CCDC91: variants seen among roughly 807,000 people sequenced by gnomAD.
CCDC91 encodes the protein coiled-coil domain containing 91, also known as coiled-coil domain-containing protein 91.
Under a neutral mutation model 63.2 loss-of-function variants are expected in CCDC91, and 48 were observed. The observed-to-expected ratio is 0.76, with a 90% CI of 0.60 to 0.97. The LOEUF (loss-of-function observed/expected upper bound fraction) is 0.97. Ranked by LOEUF, CCDC91 falls within the 50% of genes least tolerant of loss-of-function variation. CCDC91 has a pLI of 0.00. For missense variants in CCDC91, 500 were observed against 494.6 expected, an observed-to-expected ratio of 1.01 and a Z score of -0.10; for synonymous variants, 167 against 165.8, an observed-to-expected ratio of 1.01 and a Z score of -0.06.
chr12:28,399,294 T>C (rs765271552), intron 8 of CCDC91, among the ~76,000 whole-genome samples: 14 of 152,142 alleles, frequency 9.2e-5, no homozygotes, highest in African/African-American at 3.4e-4. Context: ...AAAAGCCCCT[T>C]TAAAACCATC....
At chr12:28,501,369 G>C (rs1306854809) in intron 12 of CCDC91, among the ~76,000 whole-genome samples, 1 of 151,922 alleles carries the variant, frequency 6.6e-6, no homozygotes, top group African/African-American at 2.4e-5. Flanking sequence ...TTATTATTTT[G>C]AGATACGTCC....
At chr12:28,195,040 G>A (rs1419314204) in intron 1 of CCDC91, among the ~76,000 whole-genome samples, 2 of 152,226 alleles carry the variant, frequency 1.3e-5, no homozygotes, top group East Asian at 1.9e-4. Flanking sequence ...AGGGGTTGCT[G>A]CTGCTGGCTC....
intron 11 of CCDC91, among the ~76,000 whole-genome samples, chr12:28,463,890 C>G (rs911202001): frequency 6.6e-6 from 1 of 152,164 alleles, no homozygotes; most frequent in Admixed American, 6.5e-5. Context: ...ACAGAAAAAG[C>G]ACCTTCATAA....
At chr12:28,286,090 G>T (rs995148644) in intron 3 of CCDC91, among the ~76,000 whole-genome samples, 6 of 151,912 alleles carry the variant, frequency 3.9e-5, no homozygotes, top group African/African-American at 1.5e-4. Context: ...AATTGGAAGT[G>T]GCTTGAGTCA....
intron 8 of CCDC91, among the ~76,000 whole-genome samples, chr12:28,433,729 A>T (rs1271330825): frequency 1.3e-5 from 2 of 151,896 alleles, no homozygotes; most frequent in African/African-American, 4.8e-5. Context: ...CAGTTTGTTG[A>T]TATCCATAAA....
chr12:28,208,148 G>C (rs1942982115), intron 1 of CCDC91, among the ~76,000 whole-genome samples: 2 of 152,100 alleles, frequency 1.3e-5, no homozygotes, highest in Non-Finnish European at 2.9e-5. Flanking sequence ...GTACTTTTCA[G>C]GGTCCTCTCC....
rs570572100 is a variant in CCDC91 at position 28,229,817 on chromosome 12, G to A, written c.-14-27385G>A. 5.3e-5 allele frequency among the ~76,000 whole-genome samples: 8 copies of A among 152,178 alleles called. No individual in the cohort carries two copies. In the East Asian group the frequency reaches 1.5e-3, roughly 29 times the overall value. On this transcript the variant is annotated intron_variant, in intron 1 of 12. Coordinates refer to ENST00000536442, the MANE Select transcript of CCDC91 (RefSeq NM_018318.5). The stretch of plus-strand genomic sequence containing the variant: ...TTTTTTAGCTCACGTTGGACTAATT[G>A]TCTGTGTTTGTGGCTAGAAGAAGGT...
intron 8 of CCDC91, among the ~76,000 whole-genome samples, chr12:28,418,431 A>C (rs1431832431): frequency 6.6e-6 from 1 of 152,158 alleles, no homozygotes; most frequent in Non-Finnish European, 1.5e-5. Context: ...TCTGAAGCAC[A>C]GTAAGGTAAA....
At chr12:28,223,975 T>G (rs1944111573) in intron 1 of CCDC91, among the ~76,000 whole-genome samples, 3 of 152,226 alleles carry the variant, frequency 2.0e-5, no homozygotes, top group Admixed American at 2.0e-4. Context: ...GATAGTCTGC[T>G]TGTCTCAGAA....
At chr12:28,548,457 G>A (rs1488917812) in intron 12 of CCDC91, among the ~76,000 whole-genome samples, 3 of 152,084 alleles carry the variant, frequency 2.0e-5, no homozygotes, top group Non-Finnish European at 4.4e-5. Context: ...ATTTAGTAGA[G>A]ATGGTGTTTC....
rs1948494804 is a variant in CCDC91 at position 28,429,141 on chromosome 12, C to G, written c.763-21020C>G. ...TGATTGGTGTGGTTCAAACTGTAAC[C>G]TTGTTAAAGGATTGGTCAGGTTGCA... On this transcript the variant is annotated intron_variant, in intron 8 of 12. Transcript: ENST00000536442. Among the ~76,000 whole-genome samples, 4 of 152,208 alleles carry G rather than the reference C, an allele frequency of 2.6e-5. No homozygotes were observed. The South Asian group carries it at 8.3e-4, about 32-fold the overall frequency.
At chr12:28,517,252 T>A (rs905911988) in intron 12 of CCDC91, among the ~76,000 whole-genome samples, 1 of 151,946 alleles carries the variant, frequency 6.6e-6, no homozygotes, top group African/African-American at 2.4e-5. Flanking sequence ...TTGCAAGGCC[T>A]TAGTTATAGG....
At chr12:28,308,258 T>A (rs1938952705) in intron 6 of CCDC91, among the ~76,000 whole-genome samples, 1 of 152,052 alleles carries the variant, frequency 6.6e-6, no homozygotes. Flanking sequence ...TTAGCAGGAT[T>A]TGTTGGCTGT....
At chr12:28,354,036 G>T (rs1943361033) in intron 6 of CCDC91, among the ~76,000 whole-genome samples, 1 of 152,090 alleles carries the variant, frequency 6.6e-6, no homozygotes, top group South Asian at 2.1e-4. Flanking sequence ...GTGTACCCCT[G>T]AACTTAAAAG....
chr12:28,262,260 A>G (rs1026960921), intron 3 of CCDC91, among the ~76,000 whole-genome samples: 7 of 152,032 alleles, frequency 4.6e-5, no homozygotes, highest in African/African-American at 1.7e-4. Flanking sequence ...ATCCATATGG[A>G]AAATATTTTA....
chr12:28,381,580 G>A (rs1347346193), intron 7 of CCDC91, among the ~76,000 whole-genome samples: 2 of 152,114 alleles, frequency 1.3e-5, no homozygotes, highest in Non-Finnish European at 2.9e-5. Context: ...CTGTCAAATT[G>A]CTTTATAGCA....
intron 8 of CCDC91, among the ~76,000 whole-genome samples, chr12:28,441,382 G>T (rs1949199471): frequency 6.6e-6 from 1 of 151,964 alleles, no homozygotes; most frequent in African/African-American, 2.4e-5. Context: ...AAATAAAAAT[G>T]TATATCAAAG....
At chr12:28,312,985 C>T (rs1443768704) in intron 6 of CCDC91, among the ~76,000 whole-genome samples, 14 of 151,974 alleles carry the variant, frequency 9.2e-5, no homozygotes, top group Non-Finnish European at 1.8e-4. Flanking sequence ...AGTGTGAAAA[C>T]GGACTAATAC....
chr12:28,441,057 C>CAAAAAAAAAAAAAAAAAAAA lies in CCDC91; in HGVS notation c.763-9096_763-9077dup, dbSNP rs60278449. ...TGGGTGACAGAGCAAGACTCCATCT[C>CAAAAAAAAAAAAAAAAAAAA]AAAAAAAAAAAAAAAAAAAAAAAAA... On this transcript the variant is annotated intron_variant, in intron 8 of 12. Transcript: ENST00000536442. Among the ~76,000 whole-genome samples the CAAAAAAAAAAAAAAAAAAAA allele has an allele frequency of 5.7e-4, 30 of 52,698 alleles. 2 individuals are homozygous for CAAAAAAAAAAAAAAAAAAAA. Among genetic ancestry groups the CAAAAAAAAAAAAAAAAAAAA allele is most frequent in the Middle Eastern group, 0.028 (1 of 36 alleles). 34.6% of individuals were successfully genotyped at this position (52,698 alleles called of 152,430 possible).
Sources: gnomAD v4.1 joint callset for allele counts (sites outside exome capture counted in the v4.1 genomes callset) on GRCh38, gnomAD v4.1.1 for gene constraint, MANE v1.5 for transcripts, NCBI Gene and HGNC (gene_info 2026-07-23, HGNC 2026-07-21) for gene names.